Variants in TMEM170B observed in about 807,000 individuals in gnomAD.
TMEM170B encodes transmembrane protein 170B.
Under a neutral mutation model 13.0 loss-of-function variants are expected in TMEM170B, and 6 were observed. That is an observed-to-expected ratio of 0.46 (90% confidence interval 0.25 to 0.91). TMEM170B has a LOEUF of 0.91. TMEM170B is among the 40% of genes least tolerant of loss of function. The probability of loss-of-function intolerance (pLI) is 0.17; values close to 1 mark genes in which losing one functional copy is unlikely to be tolerated. For missense variants in TMEM170B, 138 were observed against 165.2 expected (o/e 0.84, Z 0.90); for synonymous variants, 61 against 64.9 (o/e 0.94, Z 0.29).
At chr6:11,557,501 A>C (rs1247896655) in intron 1 of TMEM170B, among the ~76,000 whole-genome samples, 3 of 152,204 alleles carry the variant, frequency 2.0e-5, no homozygotes, top group Non-Finnish European at 4.4e-5. Flanking sequence ...TGCACCCCAG[A>C]AATTAAAAAA....
At chr6:11,545,280 C>CTCTCTCTCTGTG (rs1442789332) in intron 1 of TMEM170B, among the ~76,000 whole-genome samples, 2 of 139,814 alleles carry the variant, frequency 1.4e-5, no homozygotes, top group African/African-American at 5.4e-5. Context: ...CTCTCTCTCT[C>CTCTCTCTCTGTG]TGTGTGTGTG....
intron 1 of TMEM170B, among the ~76,000 whole-genome samples, chr6:11,561,046 A>T (rs1759657719): frequency 6.6e-6 from 1 of 152,342 alleles, no homozygotes; most frequent in East Asian, 1.9e-4. Flanking sequence ...AAAAAGTAAC[A>T]CACTGCAACA....
intron 2 of TMEM170B, among the ~76,000 whole-genome samples, chr6:11,566,916 T>G (rs924399817): frequency 6.6e-6 from 1 of 152,272 alleles, no homozygotes; most frequent in African/African-American, 2.4e-5. Context: ...TCCACCATTT[T>G]GTTTTAATGC....
rs1759863372 is a variant in TMEM170B at position 11,575,530 on chromosome 6, T to G, written c.368T>G (p.Ile123Ser). 1 of 1,613,326 alleles carries G rather than the reference T, an allele frequency of 6.2e-7. No individual in the cohort carries two copies. The highest frequency in any genetic ancestry group is 8.5e-7 in the Non-Finnish European group (1 of 1,179,502). ...GGACAGACTGTACTGACATTAATCA[T>G]CTCCTTTTCAAGGATCCTCGCTACA... ...GVGQTVLTLI[I>S]SFSRILATL The change falls in exon 3 of 3, where the codon ATC becomes AGC. Residue 123 changes from isoleucine (I) to serine (S), a missense_variant. Ile to Ser is a moderately radical substitution (Grantham distance 142, BLOSUM62 -2). Coordinates refer to ENST00000379426, the MANE Select transcript of TMEM170B (RefSeq NM_001100829.3). The surrounding 1 kb of genome is among the most constrained non-coding windows in gnomAD (Gnocchi z 4.1).
Position 11,577,421 on chromosome 6 carries a change from A to G in TMEM170B, c.*1860A>G, listed in dbSNP as rs1759894393. ...ATTTAGGCATAACTTTTCCAAGTCA[A>G]TCTGATTTTTTCTTTTCTGCCAGAC... On this transcript the variant is annotated 3_prime_UTR_variant, in exon 3 of 3. Transcript: ENST00000379426. 1 of 152,056 alleles carries G rather than the reference A, an allele frequency of 6.6e-6. No individual in the cohort carries two copies. The highest frequency in any genetic ancestry group is 2.1e-4 in the South Asian group (1 of 4,830). 9.4% of individuals were successfully genotyped at this position (152,056 alleles called of 1,614,324 possible).
chr6:11,565,577 C>G, intron 1 of TMEM170B, 89 bp from the exon 2 acceptor site: 2 of 1,414,400 alleles, frequency 1.4e-6, no homozygotes, highest in Admixed American at 3.5e-5. Flanking sequence ...GTCATTTAAC[C>G]TCCCAAACCA....
rs73721760 is a variant in TMEM170B at position 11,561,857 on chromosome 6, T to C, written c.98-3809T>C. Among the ~76,000 whole-genome samples the C allele has an allele frequency of 6.2e-3, 945 of 152,328 alleles. 15 individuals carry two copies. The highest frequency in any genetic ancestry group is 0.02 in the African/African-American group (851 of 41,572). ...TTTATGATTATTTTGATACCTTTGG[T>C]TTTTATAAAACATTAAACTGAAATT... is the stretch of plus-strand genomic sequence containing the variant. On this transcript the variant is annotated intron_variant, in intron 1 of 2. Coordinates refer to ENST00000379426, the MANE Select transcript of TMEM170B (RefSeq NM_001100829.3).
intron 1 of TMEM170B, among the ~76,000 whole-genome samples, chr6:11,565,334 CAG>C (rs1486944941): frequency 6.6e-6 from 1 of 152,100 alleles, no homozygotes; most frequent in Non-Finnish European, 1.5e-5. Flanking sequence ...CTATTTCAAA[CAG>C]TAATTTTATA....
rs1269871869 is a variant in TMEM170B, at chr6:11,582,003, A to G, written c.*6442A>G. 3.3e-5 allele frequency: 5 copies of G among 152,184 alleles called. No individual in the cohort carries two copies. The highest frequency in any genetic ancestry group is 7.4e-5 in the Non-Finnish European group (5 of 68,010). The allele number at this position is 152,184 out of a possible 1,614,324, so 9.4% of individuals were successfully genotyped here. A position where few individuals can be genotyped will look rare whatever the true frequency, so the allele number is the denominator to read the frequency against. ...TGAAAGATTTGGCCCTCTCACCAATACACACATTCAGACTTGAGCTGCACG... is the reference window on the plus strand; with the variant it reads ...TGAAAGATTTGGCCCTCTCACCAATGCACACATTCAGACTTGAGCTGCACG... On this transcript the variant is annotated 3_prime_UTR_variant, in exon 3 of 3. Coordinates refer to ENST00000379426, the MANE Select transcript of TMEM170B (RefSeq NM_001100829.3).
rs564391446 is a variant in TMEM170B, at chr6:11,569,954, T to C, written c.268+4118T>C. ...GGTATATCTTAATATCTGTCAGGAA[T>C]AGGTCCCTCTTGTTACTTTCCTTTC... is the stretch of plus-strand genomic sequence containing the variant. On this transcript the variant is annotated intron_variant, in intron 2 of 2. Coordinates refer to ENST00000379426, the MANE Select transcript of TMEM170B (RefSeq NM_001100829.3). Among the ~76,000 whole-genome samples the C allele has an allele frequency of 5.3e-5, 8 of 152,222 alleles. No homozygotes were observed. In the South Asian group the frequency reaches 1.7e-3, roughly 32 times the overall value.
chr6:11,547,059 CTG>C (rs1488507774), intron 1 of TMEM170B, among the ~76,000 whole-genome samples: 1 of 152,112 alleles, frequency 6.6e-6, no homozygotes. Flanking sequence ...TAGTGGGTAA[CTG>C]TAATTGCAGA....
chr6:11,546,496 C>T (rs1279183321), intron 1 of TMEM170B, among the ~76,000 whole-genome samples: 1 of 152,164 alleles, frequency 6.6e-6, no homozygotes, highest in African/African-American at 2.4e-5. Context: ...CAGCAGTGTA[C>T]AGTAATGTCT....
At chr6:11,559,455 G>A (rs1759632419) in intron 1 of TMEM170B, among the ~76,000 whole-genome samples, 2 of 151,926 alleles carry the variant, frequency 1.3e-5, no homozygotes, top group Admixed American at 1.3e-4. Flanking sequence ...CAAACTGCTG[G>A]GATTACAGGC....
chr6:11,539,557 T>C (rs1160781237), intron 1 of TMEM170B, among the ~76,000 whole-genome samples: 2 of 152,214 alleles, frequency 1.3e-5, no homozygotes, highest in Non-Finnish European at 2.9e-5. Context: ...TTTCTTCGAA[T>C]GGAAACTATA....
At chr6:11,548,371 A>C (rs912687622) in intron 1 of TMEM170B, among the ~76,000 whole-genome samples, 1 of 152,214 alleles carries the variant, frequency 6.6e-6, no homozygotes, top group Non-Finnish European at 1.5e-5. Flanking sequence ...CAAAACCACA[A>C]TGAGATACCA....
intron 1 of TMEM170B, among the ~76,000 whole-genome samples, chr6:11,563,246 G>C (rs562808623): frequency 1.3e-5 from 2 of 152,260 alleles, no homozygotes; most frequent in African/African-American, 4.8e-5. Flanking sequence ...TGAGGCAGGA[G>C]AATCGCTTGA....
At chr6:11,544,421 C>G (rs564110408) in intron 1 of TMEM170B, among the ~76,000 whole-genome samples, 1 of 152,188 alleles carries the variant, frequency 6.6e-6, no homozygotes, top group African/African-American at 2.4e-5. Flanking sequence ...TTAAAAGTAC[C>G]CTGGTAAGTG....
At chr6:11,569,692 A>G (rs1759776220) in intron 2 of TMEM170B, among the ~76,000 whole-genome samples, 1 of 152,140 alleles carries the variant, frequency 6.6e-6, no homozygotes, top group Non-Finnish European at 1.5e-5. Flanking sequence ...CCTTTGTTTT[A>G]GGTATTAGAT....
rs11292699 is a variant in TMEM170B at position 11,560,330 on chromosome 6, ATT to A, written c.98-5321_98-5320del. ...CAGGTGCCCGCCACCACGCCCAGCT[ATT>A]TTTTTTTTTTTTTTAATTTTTAGTA... On this transcript the variant is annotated intron_variant, in intron 1 of 2. Coordinates refer to ENST00000379426, the MANE Select transcript of TMEM170B (RefSeq NM_001100829.3). Among the ~76,000 whole-genome samples the A allele has an allele frequency of 7.6e-3, 1,061 of 139,752 alleles. 6 individuals are homozygous for A. The highest frequency in any genetic ancestry group is 0.011 in the African/African-American group (436 of 37,918). The allele number at this position is 139,752 out of a possible 152,430, so 91.7% of individuals were successfully genotyped here. A position where few individuals can be genotyped will look rare whatever the true frequency, so the allele number is the denominator to read the frequency against.
Sources: allele counts gnomAD v4.1 joint callset (sites outside exome capture counted in the v4.1 genomes callset), GRCh38; gene constraint gnomAD v4.1.1; non-coding constraint Gnocchi (gnomAD v3.1); transcripts MANE v1.5; gene names NCBI Gene and HGNC (gene_info 2026-07-23, HGNC 2026-07-21).